UBAP1L: variants seen among roughly 807,000 people sequenced by gnomAD.
UBAP1L encodes ubiquitin associated protein 1 like.
A neutral mutation model predicts 32.1 loss-of-function variants in UBAP1L; 32 were observed. The ratio of observed to expected loss-of-function variants is 1.00; its 90% CI spans 0.75 to 1.34. The LOEUF (loss-of-function observed/expected upper bound fraction) is 1.34. Among genes scored for constraint, UBAP1L ranks in the 40% most tolerant of loss-of-function variants. The pLI is 0.00. For synonymous variants in UBAP1L, 243 were observed against 250.2 expected (o/e 0.97, Z 0.27); for missense variants, 516 against 540.5 (o/e 0.95, Z 0.45).
At chr15:65,100,232 C>T (rs2087225297) in intron 3 of UBAP1L, 1 of 131,392 alleles carries the variant, frequency 7.6e-6, no homozygotes, top group East Asian at 2.4e-4. Context: ...CAATAACAGC[C>T]AAACTCTGTC....
At chr15:65,110,763 A>G (rs1013049291) in intron 1 of UBAP1L, among the ~76,000 whole-genome samples, 8 of 152,134 alleles carry the variant, frequency 5.3e-5, no homozygotes, top group Non-Finnish European at 7.4e-5. Flanking sequence ...ACTGCCTATA[A>G]TAATACACTT....
chr15:65,105,347 C>T lies in UBAP1L; in HGVS notation c.120+749G>A, dbSNP rs181355273. Reference sequence around the variant, plus strand: ...ATAAAAAATTAGCCAAGCATAGTGGCATGTGCCTATAGTCCTAGCTACTTG... The same window carrying T: ...ATAAAAAATTAGCCAAGCATAGTGGTATGTGCCTATAGTCCTAGCTACTTG... On this transcript the variant is annotated intron_variant, in intron 2 of 5. Transcript: ENST00000559089. Among the ~76,000 whole-genome samples the T allele has an allele frequency of 1.9e-3, 284 of 152,146 alleles. 1 individual carries two copies. Among genetic ancestry groups the T allele is most frequent in the Middle Eastern group, 3.4e-3 (1 of 294 alleles).
At chr15:65,114,538 C>T (rs1401119589) in intron 1 of UBAP1L, among the ~76,000 whole-genome samples, 1 of 152,142 alleles carries the variant, frequency 6.6e-6, no homozygotes, top group African/African-American at 2.4e-5. Context: ...TTCCTTGTAG[C>T]ACTTATCACA....
Position 65,102,543 on chromosome 15 carries a change from C to T in UBAP1L, c.262G>A (p.Ala88Thr). The T allele has an allele frequency of 6.6e-7, 1 of 1,524,492 alleles. No individual in the cohort carries two copies. Among genetic ancestry groups the T allele is most frequent in the East Asian group, 2.5e-5 (1 of 39,396 alleles). 94.4% of individuals were successfully genotyped at this position (1,524,492 alleles called of 1,614,324 possible). Residue 88 changes from alanine to threonine, a missense_variant, in exon 3 of 6, where the codon GCG becomes ACG. Ala to Thr is a moderately conservative substitution (Grantham distance 58). Coordinates refer to ENST00000559089, the MANE Select transcript of UBAP1L (RefSeq NM_001163692.2). This position sits in a 1 kb window ranked among gnomAD's most constrained non-coding sequence, Gnocchi z 5.0. ...TCTCTGATTGTGGTGGGCGCAGGCG[C>T]CAGCCCATGTTCGGGGCTGACTAGC... ...LLLVSPEHGL[A>T]PAPTTIRDPE...
chr15:65,097,169 A>C (rs1201369401), intron 4 of UBAP1L: 1 of 152,294 alleles, frequency 6.6e-6, no homozygotes, highest in African/African-American at 2.4e-5. Flanking sequence ...TTCCCAATGC[A>C]GTGAAATCCT....
chr15:65,093,099 A>T lies in UBAP1L; in HGVS notation c.1144T>A (p.Ter382ArgextTer29), dbSNP rs2087136109. 2 of 1,547,048 alleles carry T rather than the reference A, an allele frequency of 1.3e-6. No homozygotes were observed. ...GGCATCGTGGAGTGCCTCCGTGGTCACTGGGCACAGGCCACCAGCTCCTCC... is the reference window on the plus strand; with the variant it reads ...GGCATCGTGGAGTGCCTCCGTGGTCTCTGGGCACAGGCCACCAGCTCCTCC... ...ALEELVACAQ[*>R] Residue 382 changes from the stop codon to arginine (R), a stop_lost, in exon 6 of 6, where the codon TGA becomes AGA. Transcript: ENST00000559089.
At chr15:65,111,935 C>T (rs1397554594) in intron 1 of UBAP1L, among the ~76,000 whole-genome samples, 13 of 152,278 alleles carry the variant, frequency 8.5e-5, no homozygotes, top group African/African-American at 2.9e-4. Flanking sequence ...GGACTACAGG[C>T]GCCTGCCACC....
intron 1 of UBAP1L, among the ~76,000 whole-genome samples, chr15:65,108,009 TAAATG>T (rs1217256396): frequency 6.6e-6 from 1 of 152,014 alleles, no homozygotes; most frequent in African/African-American, 2.4e-5. Flanking sequence ...ATTCTAAAAT[TAAATG>T]AAATGCAAAG....
chr15:65,092,844 G>A lies in UBAP1L; in HGVS notation c.*253C>T. The A allele has an allele frequency of 1.9e-6, 1 of 520,296 alleles. No individual in the cohort carries two copies. The highest frequency in any genetic ancestry group is 3.9e-5 in the Admixed American group (1 of 25,784). 32.2% of individuals were successfully genotyped at this position (520,296 alleles called of 1,614,324 possible). On this transcript the variant is annotated 3_prime_UTR_variant, in exon 6 of 6. Coordinates refer to ENST00000559089, the MANE Select transcript of UBAP1L (RefSeq NM_001163692.2). Reference sequence around the variant, plus strand: ...CACACAGTGTAAAGAGTCAAATCAGGTGGTTTCACAGGCATGCATGAAGAA... The same window carrying A: ...CACACAGTGTAAAGAGTCAAATCAGATGGTTTCACAGGCATGCATGAAGAA...
chr15:65,096,585 C>T (rs1595918670), intron 4 of UBAP1L: 1 of 152,246 alleles, frequency 6.6e-6, no homozygotes, highest in Admixed American at 6.5e-5. Context: ...AGCTATCAGG[C>T]TTGCCTCAGG....
rs1276493385 is a variant in UBAP1L, at chr15:65,102,843, G to A, written c.121-159C>T. ...CTTCCATCACAGCCCACTCTACCCT[G>A]GGTTTTAGCTAACACTGTGGTCGAT... On this transcript the variant is annotated intron_variant, in intron 2 of 5. Transcript: ENST00000559089. The surrounding 1 kb of genome is among the most constrained non-coding windows in gnomAD (Gnocchi z 5.0). Among the ~76,000 whole-genome samples, 1 of 152,186 alleles carries A rather than the reference G, an allele frequency of 6.6e-6. No individual in the cohort carries two copies. Among genetic ancestry groups the A allele is most frequent in the Non-Finnish European group, 1.5e-5 (1 of 68,028 alleles).
chr15:65,108,422 G>T (rs940630751), intron 1 of UBAP1L, among the ~76,000 whole-genome samples: 2 of 152,150 alleles, frequency 1.3e-5, no homozygotes, highest in African/African-American at 4.8e-5. Context: ...TCATGGCCTT[G>T]TAATAGTCAA....
At position 65,102,105 on chromosome 15, in the gene UBAP1L, C is replaced by T; in HGVS notation, c.699+1G>A. 8.3e-7 allele frequency: 1 copy of T among 1,200,524 alleles called. No homozygotes were observed. The highest frequency in any genetic ancestry group is 3.3e-4 in the Middle Eastern group (1 of 3,046). 74.4% of individuals were successfully genotyped at this position (1,200,524 alleles called of 1,614,324 possible). On this transcript the variant is annotated splice_donor_variant, in intron 3 of 5. Transcript: ENST00000559089. LOFTEE classifies it high-confidence loss of function. The surrounding 1 kb of genome is among the most constrained non-coding windows in gnomAD (Gnocchi z 5.0). ...CTTGGAGGGGCGGGCAGAATCCTTACCGCGACCGTAGGCTTGTGGCTCCGC... is the reference window on the plus strand; with the variant it reads ...CTTGGAGGGGCGGGCAGAATCCTTATCGCGACCGTAGGCTTGTGGCTCCGC...
rs1422232464 is a variant in UBAP1L at position 65,094,841 on chromosome 15, C to T, written c.910-265G>A. The T allele has an allele frequency of 9.6e-6, 5 of 518,606 alleles. No homozygotes were observed. In the East Asian group the frequency reaches 1.7e-4, roughly 18 times the overall value. 32.1% of individuals were successfully genotyped at this position (518,606 alleles called of 1,614,324 possible). ...CCAGGAAAAGGGCTGTCAGGGTGGG[C>T]TAGGGTGTTCATAGAACCTAGGTGG... is the stretch of plus-strand genomic sequence containing the variant. On this transcript the variant is annotated intron_variant, in intron 4 of 5. Transcript: ENST00000559089. The surrounding 1 kb of genome is among the most constrained non-coding windows in gnomAD (Gnocchi z 4.2).
rs1448469398 is a variant in UBAP1L, at chr15:65,099,508, G to C, written c.906C>G (p.Ser302Arg). The change falls in exon 4 of 6, where the codon AGC becomes AGG. Residue 302 changes from serine to arginine, a missense_variant. By Grantham distance (110) the Ser-to-Arg change is moderately radical (BLOSUM62 -1). Coordinates refer to ENST00000559089, the MANE Select transcript of UBAP1L (RefSeq NM_001163692.2). ...ALQKTGRQSL[S>R]QFLSYLSACD... is the part of the protein sequence containing the mutation. ...AGCTCTGGGTCCCCCAACTCACCTG[G>C]CTCAGGCTCTGCCTCCCTGTCTTCT... 5 of 1,549,830 alleles carry C rather than the reference G, an allele frequency of 3.2e-6. No individual in the cohort carries two copies. Among genetic ancestry groups the C allele is most frequent in the Non-Finnish European group, 4.4e-6 (5 of 1,146,718 alleles).
intron 4 of UBAP1L, chr15:65,098,108 C>T (rs2087198281): frequency 6.6e-6 from 1 of 152,170 alleles, no homozygotes; most frequent in African/African-American, 2.4e-5. Context: ...TACCTCCTGA[C>T]CCTACTTACA....
rs1284107054 is a variant in UBAP1L at position 65,093,201 on chromosome 15, A to C, written c.1042T>G (p.Phe348Val). 3 of 1,548,642 alleles carry C rather than the reference A, an allele frequency of 1.9e-6. No individual in the cohort carries two copies. The African/African-American group carries it at 4.1e-5, about 21-fold the overall frequency. ...TCCTGCTGGAAGCCCATGTCACTGA[A>C]CTGCTCCCAGAGGCGCAGGAACTCC... is the stretch of plus-strand genomic sequence containing the variant. ...AGEFLRLWEQ[F>V]SDMGFQQDRI... The change falls in exon 6 of 6, where the codon TTC becomes GTC. Residue 348 changes from phenylalanine to valine, a missense_variant. Coordinates refer to ENST00000559089, the MANE Select transcript of UBAP1L (RefSeq NM_001163692.2).
chr15:65,102,501 G>C lies in UBAP1L; in HGVS notation c.304C>G (p.Gln102Glu), dbSNP rs1486629934. ...TCACCCTCCTCCTCCGGCCTCTCCT[G>C]GTGTCCGGCCTCCGGGTCTCTGATT... is the stretch of plus-strand genomic sequence containing the variant. The part of the protein sequence containing the change: ...TTIRDPEAGH[Q>E]ERPEEEGEDE... Residue 102 changes from glutamine (Q) to glutamate (E), a missense_variant, in exon 3 of 6, where the codon CAG (glutamine) becomes GAG (glutamate). Coordinates refer to ENST00000559089, the MANE Select transcript of UBAP1L (RefSeq NM_001163692.2). This position sits in a 1 kb window ranked among gnomAD's most constrained non-coding sequence, Gnocchi z 5.0. The C allele has an allele frequency of 3.5e-5, 52 of 1,465,778 alleles. No individual in the cohort carries two copies. Among genetic ancestry groups the C allele is most frequent in the South Asian group, 5.6e-5 (4 of 71,822 alleles). The allele number at this position is 1,465,778 out of a possible 1,614,324, so 90.8% of individuals were successfully genotyped here.
chr15:65,102,455 G>C lies in UBAP1L; in HGVS notation c.350C>G (p.Ser117Cys), dbSNP rs1454580018. 1 of 1,425,202 alleles carries C rather than the reference G, an allele frequency of 7.0e-7. No individual in the cohort carries two copies. Among genetic ancestry groups the C allele is most frequent in the East Asian group, 2.9e-5 (1 of 35,044 alleles). 88.3% of individuals were successfully genotyped at this position (1,425,202 alleles called of 1,614,324 possible). ...EEGEDEAEAS[S>C]GSEEEPAPSS... ...GGGGGCCGGCTCTTCCTCGCTGCCA[G>C]AGGAGGCTTCTGCCTCGTCCTCACC... The change falls in exon 3 of 6, where the codon TCT becomes TGT. Residue 117 changes from serine to cysteine, a missense_variant. Coordinates refer to ENST00000559089, the MANE Select transcript of UBAP1L (RefSeq NM_001163692.2). The surrounding 1 kb of genome is among the most constrained non-coding windows in gnomAD (Gnocchi z 5.0).
Sources: allele counts gnomAD v4.1 joint callset (sites outside exome capture counted in the v4.1 genomes callset), GRCh38; gene constraint gnomAD v4.1.1; non-coding constraint Gnocchi (gnomAD v3.1); transcripts MANE v1.5; gene names NCBI Gene and HGNC (gene_info 2026-07-23, HGNC 2026-07-21).